TUBGCP4: variants seen among roughly 807,000 people sequenced by gnomAD.
The protein encoded by TUBGCP4 is tubulin gamma complex component 4.
TUBGCP4 carries 54 observed loss-of-function variants against 91.6 expected under a neutral mutation model. The ratio of observed to expected loss-of-function variants is 0.59; its 90% CI spans 0.47 to 0.74. The LOEUF (loss-of-function observed/expected upper bound fraction) is 0.74. Among genes scored for constraint, TUBGCP4 ranks in the 30% least tolerant of loss-of-function variants. TUBGCP4 has a pLI of 0.00. For synonymous variants in TUBGCP4, 297 were observed against 302.8 expected, an observed-to-expected ratio of 0.98 and a Z score of 0.20; for missense variants, 593 against 800.9, an observed-to-expected ratio of 0.74 and a Z score of 3.13.
At position 43,406,380 on chromosome 15, in the gene TUBGCP4, T is replaced by C. The variant is rs2044878551; in HGVS notation, c.*1166T>C. On this transcript the variant is annotated 3_prime_UTR_variant, in exon 18 of 18. Transcript: ENST00000564079. ...AGCTCTGACAACTTATTCCCTGCTA[T>C]TATCAACTAAAGATCACCCTTTCTA... 1 of 321,926 alleles carries C rather than the reference T, an allele frequency of 3.1e-6. No individual in the cohort carries two copies. The highest frequency in any genetic ancestry group is 4.0e-5 in the Admixed American group (1 of 24,960). 19.9% of individuals were successfully genotyped at this position (321,926 alleles called of 1,614,324 possible).
At chr15:43,373,795 C>G (rs1481762363) in intron 1 of TUBGCP4, among the ~76,000 whole-genome samples, 1 of 152,114 alleles carries the variant, frequency 6.6e-6, no homozygotes, top group Non-Finnish European at 1.5e-5. Context: ...ACTACAGGCG[C>G]CTGCCGCCAC....
chr15:43,371,522 A>T, intron 1 of TUBGCP4, 90 bp downstream of exon 1: 2 of 1,357,480 alleles, frequency 1.5e-6, no homozygotes, highest in Non-Finnish European at 2.1e-6. Flanking sequence ...GGACCTAGCG[A>T]GCGGGGCTTC....
Position 43,395,052 on chromosome 15 carries a change from G to A in TUBGCP4, c.1015-55G>A, listed in dbSNP as rs1303273719. 11 of 1,575,352 alleles carry A rather than the reference G, an allele frequency of 7.0e-6. No individual in the cohort carries two copies. In the East Asian group the frequency reaches 1.8e-4, roughly 26 times the overall value. ...CTGGATTTGTATGGAACCATTCTTT[G>A]CAGGAGTTCTCACTGTAATGAAATT... On this transcript the variant is annotated intron_variant, in intron 9 of 17. Coordinates refer to ENST00000564079, the MANE Select transcript of TUBGCP4 (RefSeq NM_014444.5).
In TUBGCP4 at chr15:43,376,164, G is replaced by T. The variant is rs1364441237; in HGVS notation, c.145G>T (p.Gly49Cys). Reference protein sequence around the residue: ...TSVLNRLCRLGTDYIRFTEFI... With the variant: ...TSVLNRLCRLCTDYIRFTEFI... The stretch of plus-strand genomic sequence containing the variant: ...TGTCCTGAATCGACTCTGCCGGCTC[G>T]GCACAGACTATATTCGCTTCACTGA... Residue 49 changes from glycine (G) to cysteine (C), a missense_variant, in exon 2 of 18, where the codon GGC becomes TGC. By Grantham distance (159) the Gly-to-Cys change is radical. Coordinates refer to ENST00000564079, the MANE Select transcript of TUBGCP4 (RefSeq NM_014444.5). The T allele has an allele frequency of 6.2e-7, 1 of 1,613,998 alleles. No individual in the cohort carries two copies. Among genetic ancestry groups the T allele is most frequent in the East Asian group, 2.2e-5 (1 of 44,870 alleles).
rs763875198 is a variant in TUBGCP4 at position 43,403,803 on chromosome 15, C to T, written c.1848+4C>T. 1.0e-5 allele frequency: 16 copies of T among 1,607,402 alleles called. No individual in the cohort carries two copies. Among genetic ancestry groups the T allele is most frequent in the Middle Eastern group, 1.7e-4 (1 of 6,052 alleles). ...CCAGCTGAGCATTCTCGTGAAGGTG[C>T]GTCTGCCTGGAAGTATGCAGCCTTG... On this transcript the variant is annotated splice_donor_region_variant and intron_variant, in intron 16 of 17. Coordinates refer to ENST00000564079, the MANE Select transcript of TUBGCP4 (RefSeq NM_014444.5).
chr15:43,390,614 A>G (rs1273167903), intron 9 of TUBGCP4, among the ~76,000 whole-genome samples: 1 of 149,566 alleles, frequency 6.7e-6, no homozygotes, highest in African/African-American at 2.5e-5. Context: ...GGTTCAAGGG[A>G]TTCTCCCACC....
chr15:43,373,066 AGTT>A lies in TUBGCP4; in HGVS notation c.78+1637_78+1639del, dbSNP rs775647851. Among the ~76,000 whole-genome samples the A allele has an allele frequency of 1.5e-4, 23 of 152,336 alleles. 1 individual carries two copies. Among genetic ancestry groups the A allele is most frequent in the Non-Finnish European group, 7.4e-5 (5 of 68,026 alleles). ...TCTTTTACATTTGAGTAAAGGGAAA[AGTT>A]GTCATGAGTGCCAAGTGTTAATGAA... is the stretch of plus-strand genomic sequence containing the variant. On this transcript the variant is annotated intron_variant, in intron 1 of 17. Coordinates refer to ENST00000564079, the MANE Select transcript of TUBGCP4 (RefSeq NM_014444.5).
intron 9 of TUBGCP4, among the ~76,000 whole-genome samples, chr15:43,390,818 A>G (rs1051887725): frequency 5.3e-5 from 8 of 151,670 alleles, no homozygotes; most frequent in Admixed American, 1.3e-4. Context: ...TTTTTCTTTA[A>G]TTTAAAAAAA....
chr15:43,373,098 T>A (rs1235000593), intron 1 of TUBGCP4, among the ~76,000 whole-genome samples: 1 of 152,228 alleles, frequency 6.6e-6, no homozygotes, highest in Non-Finnish European at 1.5e-5. Context: ...TAATGAAAAT[T>A]ATTTTATTAT....
chr15:43,380,696 A>T (rs1484605881), intron 6 of TUBGCP4, among the ~76,000 whole-genome samples: 1 of 152,218 alleles, frequency 6.6e-6, no homozygotes. Context: ...TTAAATGATG[A>T]TATATTCACT....
rs1438591275 is a variant in TUBGCP4, at chr15:43,409,096, A to G, written c.*3882A>G. 2.5e-6 allele frequency: 4 copies of G among 1,614,002 alleles called. No homozygotes were observed. In the Admixed American group the frequency reaches 5.0e-5, roughly 20 times the overall value. On this transcript the variant is annotated 3_prime_UTR_variant, in exon 18 of 18. Transcript: ENST00000564079. The stretch of plus-strand genomic sequence containing the variant: ...AGAAGACACTGGTAAGCTGTGTTAC[A>G]CTGCAAGAAAAGAAGCAGAGCCAAT...
intron 4 of TUBGCP4, 105 bp from the exon 5 acceptor site, chr15:43,377,742 A>AT: frequency 1.0e-6 from 1 of 957,822 alleles, no homozygotes; most frequent in Non-Finnish European, 1.6e-6. Context: ...TGGTATTGCC[A>AT]TTTTATCTTA....
At chr15:43,393,602 C>A (rs1319433603) in intron 9 of TUBGCP4, among the ~76,000 whole-genome samples, 4 of 152,100 alleles carry the variant, frequency 2.6e-5, no homozygotes, top group Admixed American at 2.0e-4. Context: ...CCCGGTCCCC[C>A]CACCCTACAA....
intron 13 of TUBGCP4, among the ~76,000 whole-genome samples, chr15:43,399,551 G>T (rs1000721994): frequency 6.6e-6 from 1 of 152,130 alleles, no homozygotes; most frequent in African/African-American, 2.4e-5. Context: ...TCACTATGTT[G>T]CTCAGGCTGG....
intron 7 of TUBGCP4, 44 bp downstream of exon 7, chr15:43,383,548 AG>A: frequency 6.6e-7 from 1 of 1,510,342 alleles, no homozygotes; most frequent in Non-Finnish European, 8.9e-7. Context: ...GCCAGGAGTC[AG>A]AAAAGCATGC....
At chr15:43,374,737 C>G (rs2044177729) in intron 1 of TUBGCP4, among the ~76,000 whole-genome samples, 1 of 152,180 alleles carries the variant, frequency 6.6e-6, no homozygotes, top group Admixed American at 6.5e-5. Flanking sequence ...AAGCATTATT[C>G]ACAATCGCTG....
Position 43,407,743 on chromosome 15 carries a change from T to G in TUBGCP4, c.*2529T>G, listed in dbSNP as rs2044959461. ...AGGCAGAGTTATAATCACTATGTGC[T>G]GACCTTGTAGAAATATTTAACAAAT... is the stretch of plus-strand genomic sequence containing the variant. On this transcript the variant is annotated 3_prime_UTR_variant, in exon 18 of 18. Transcript: ENST00000564079. 2 of 782,644 alleles carry G rather than the reference T, an allele frequency of 2.6e-6. No individual in the cohort carries two copies. The highest frequency in any genetic ancestry group is 4.0e-6 in the Non-Finnish European group (2 of 499,156). 48.5% of individuals were successfully genotyped at this position (782,644 alleles called of 1,614,324 possible).
rs776182570 is a variant in TUBGCP4 at position 43,400,168 on chromosome 15, C to T, written c.1543C>T (p.Arg515Cys). 1.9e-6 allele frequency: 3 copies of T among 1,614,134 alleles called. No individual in the cohort carries two copies. The highest frequency in any genetic ancestry group is 1.1e-5 in the South Asian group (1 of 91,072). The change falls in exon 14 of 18, where the codon CGC becomes TGC. Residue 515 changes from arginine to cysteine, a missense_variant. Transcript: ENST00000564079. ...GAACCAGACTGATGCAATCAAGTGG[C>T]GCCTAAGAAATCACATGGCATTTTT... ...KSNQTDAIKW[R>C]LRNHMAFLVD...
At chr15:43,384,788 ACT>A (rs1215287975) in intron 7 of TUBGCP4, among the ~76,000 whole-genome samples, 3 of 152,156 alleles carry the variant, frequency 2.0e-5, no homozygotes, top group African/African-American at 7.2e-5. Context: ...ATGATAAATC[ACT>A]CTGGATGCTG....
Sources: allele counts gnomAD v4.1 joint callset (sites outside exome capture counted in the v4.1 genomes callset), GRCh38; gene constraint gnomAD v4.1.1; transcripts MANE v1.5; gene names NCBI Gene and HGNC (gene_info 2026-07-23, HGNC 2026-07-21).